Variants in AGPAT4 observed in about 807,000 individuals in gnomAD.
AGPAT4 encodes 1-acyl-sn-glycerol-3-phosphate acyltransferase delta.
Under a neutral mutation model 48.0 loss-of-function variants are expected in AGPAT4, and 15 were observed. That is an observed-to-expected ratio of 0.31 (90% CI 0.21 to 0.48). The LOEUF (loss-of-function observed/expected upper bound fraction) is 0.48. Ranked by LOEUF, AGPAT4 falls within the 20% of genes least tolerant of loss-of-function variation. The probability of loss-of-function intolerance (pLI) is 0.99; values close to 1 mark genes in which losing one functional copy is unlikely to be tolerated. For synonymous variants in AGPAT4, 178 were observed against 198.7 expected, an observed-to-expected ratio of 0.90 and a Z score of 0.88; for missense variants, 314 against 482.5, an observed-to-expected ratio of 0.65 and a Z score of 3.27.
Position 161,153,291 on chromosome 6 carries a change from G to A in AGPAT4, c.664+55C>T, listed in dbSNP as rs897867478. 13 of 1,556,544 alleles carry A rather than the reference G, an allele frequency of 8.4e-6. No individual in the cohort carries two copies. The East Asian group carries it at 2.6e-4, about 31-fold the overall frequency. ...AGCAAGCTCTGCCCATCCGGAGCTG[G>A]GGCTTGTCTTCCTCGCTGCCACGGG... On this transcript the variant is annotated intron_variant, in intron 5 of 8. Transcript: ENST00000320285.
At chr6:161,175,901 A>G (rs1780414918) in intron 2 of AGPAT4, among the ~76,000 whole-genome samples, 2 of 152,192 alleles carry the variant, frequency 1.3e-5, no homozygotes, top group African/African-American at 4.8e-5. Flanking sequence ...TGTACCCAGT[A>G]GTCATTCAGG....
Position 161,245,775 on chromosome 6 carries a change from AAGGCGGG to A in AGPAT4, c.-89-13480_-89-13474del, listed in dbSNP as rs1036453185. On this transcript the variant is annotated intron_variant, in intron 1 of 8. Transcript: ENST00000320285. The surrounding 1 kb of genome is among the most constrained non-coding windows in gnomAD (Gnocchi z 5.2). ...CTAGTTTCTGGTAAGGAGTGCGAGG[AAGGCGGG>A]AGAATCAATATGGCTGGATTTTAAA... Among the ~76,000 whole-genome samples the A allele has an allele frequency of 5.9e-5, 9 of 152,164 alleles. No homozygotes were observed. The highest frequency in any genetic ancestry group is 2.2e-4 in the African/African-American group (9 of 41,422).
Position 161,165,585 on chromosome 6 carries a change from C to T in AGPAT4, c.348+663G>A, listed in dbSNP as rs372359027. On this transcript the variant is annotated intron_variant, in intron 3 of 8. Coordinates refer to ENST00000320285, the MANE Select transcript of AGPAT4 (RefSeq NM_020133.3). This position sits in a 1 kb window ranked among gnomAD's most constrained non-coding sequence, Gnocchi z 5.5. The stretch of plus-strand genomic sequence containing the variant: ...TGATTCCTACGGAATACCTGAGTAC[C>T]GCAGATGACTCTGATTCAGCTATGT... 8.2e-5 allele frequency: 107 copies of T among 1,297,970 alleles called. No individual in the cohort carries two copies. The highest frequency in any genetic ancestry group is 2.4e-4 in the Middle Eastern group (1 of 4,094). 80.4% of individuals were successfully genotyped at this position (1,297,970 alleles called of 1,614,324 possible).
In AGPAT4 at chr6:161,196,143, G is replaced by A. The variant is rs910393363; in HGVS notation, c.179-29726C>T. ...AATGGTGTGGTTCGCCATCTTAAGA[G>A]CACTGTCTTTCTAGGAGAAAAGAAA... On this transcript the variant is annotated intron_variant, in intron 2 of 8. Transcript: ENST00000320285. The surrounding 1 kb of genome is among the most constrained non-coding windows in gnomAD (Gnocchi z 4.3). Among the ~76,000 whole-genome samples the A allele has an allele frequency of 1.3e-5, 2 of 152,192 alleles. No individual in the cohort carries two copies. Among genetic ancestry groups the A allele is most frequent in the Admixed American group, 6.5e-5 (1 of 15,286 alleles).
In AGPAT4 at chr6:161,156,754, T is replaced by C. The variant is rs562843174; in HGVS notation, c.349-2444A>G. ...TGGCCATAACACCCACACTGGAAGG[T>C]TGTGGGTTTACCAGAATGAGGGCAA... On this transcript the variant is annotated intron_variant, in intron 3 of 8. Transcript: ENST00000320285. Among the ~76,000 whole-genome samples, 95 of 152,318 alleles carry C rather than the reference T, an allele frequency of 6.2e-4. No homozygotes were observed. The Middle Eastern group carries it at 0.01, about 16-fold the overall frequency.
rs1778907871 is a variant in AGPAT4 at position 161,131,784 on chromosome 6, T to C, written c.*4756A>G. On this transcript the variant is annotated 3_prime_UTR_variant, in exon 9 of 9. Transcript: ENST00000320285. ...TGAATGCTGTGAATGGTATTGAATG[T>C]CCTGGACCAAGAGGAACAGCAACAT... 6.6e-6 allele frequency: 1 copy of C among 152,260 alleles called. No individual in the cohort carries two copies. The highest frequency in any genetic ancestry group is 6.5e-5 in the Admixed American group (1 of 15,290). 9.4% of individuals were successfully genotyped at this position (152,260 alleles called of 1,614,324 possible). A position where few individuals can be genotyped will look rare whatever the true frequency, so the allele number is the denominator to read the frequency against.
In AGPAT4 at chr6:161,233,619, A is replaced by C. The variant is rs1374647641; in HGVS notation, c.-89-1317T>G. On this transcript the variant is annotated intron_variant, in intron 1 of 8. Transcript: ENST00000320285. The surrounding 1 kb of genome is among the most constrained non-coding windows in gnomAD (Gnocchi z 5.4). Reference sequence around the variant, plus strand: ...TTCACTTTCAGTACAGTATTCAATAAATTACAAGGCCTATTCAGCACTTTG... The same window carrying C: ...TTCACTTTCAGTACAGTATTCAATACATTACAAGGCCTATTCAGCACTTTG... Among the ~76,000 whole-genome samples the C allele has an allele frequency of 6.6e-6, 1 of 152,244 alleles. No homozygotes were observed. Among genetic ancestry groups the C allele is most frequent in the Non-Finnish European group, 1.5e-5 (1 of 68,044 alleles).
intron 1 of AGPAT4, among the ~76,000 whole-genome samples, chr6:161,271,799 C>A (rs781732300): frequency 9.2e-5 from 14 of 152,144 alleles, no homozygotes; most frequent in Non-Finnish European, 1.6e-4. Flanking sequence ...TCTGGAAACT[C>A]AAGAGAACCG....
rs948083749 is a variant in AGPAT4, at chr6:161,255,753, G to A, written c.-90+18185C>T. On this transcript the variant is annotated intron_variant, in intron 1 of 8. Coordinates refer to ENST00000320285, the MANE Select transcript of AGPAT4 (RefSeq NM_020133.3). This position sits in a 1 kb window ranked among gnomAD's most constrained non-coding sequence, Gnocchi z 4.7. ...TGGGGGAGTGACTGCTGATATGTAC[G>A]GTTTCTCTCTGAGGTGCTAAAAATG... Among the ~76,000 whole-genome samples the A allele has an allele frequency of 2.0e-5, 3 of 152,024 alleles. No individual in the cohort carries two copies. Among genetic ancestry groups the A allele is most frequent in the Non-Finnish European group, 4.4e-5 (3 of 68,010 alleles).
In AGPAT4 at chr6:161,197,208, C is replaced by T. The variant is rs934382429; in HGVS notation, c.179-30791G>A. ...CAATGCTTTTCCCTTTGGCCTTCTC[C>T]GAACGTTGAATGTGCTAATGGACAG... On this transcript the variant is annotated intron_variant, in intron 2 of 8. Coordinates refer to ENST00000320285, the MANE Select transcript of AGPAT4 (RefSeq NM_020133.3). This position sits in a 1 kb window ranked among gnomAD's most constrained non-coding sequence, Gnocchi z 5.7. Among the ~76,000 whole-genome samples the T allele has an allele frequency of 2.0e-5, 3 of 152,160 alleles. No individual in the cohort carries two copies. The highest frequency in any genetic ancestry group is 1.3e-4 in the Admixed American group (2 of 15,280).
At chr6:161,182,378 C>T (rs1308059162) in intron 2 of AGPAT4, among the ~76,000 whole-genome samples, 1 of 145,974 alleles carries the variant, frequency 6.9e-6, no homozygotes, top group East Asian at 2.1e-4. Context: ...CAGCCTCTCA[C>T]CCTATGCCCT....
intron 1 of AGPAT4, among the ~76,000 whole-genome samples, chr6:161,239,051 C>T (rs1172878424): frequency 1.3e-5 from 2 of 152,236 alleles, no homozygotes; most frequent in Middle Eastern, 3.4e-3. Flanking sequence ...AAAGTGCAAG[C>T]GAGACAAACG....
chr6:161,221,726 G>C lies in AGPAT4; in HGVS notation c.178+10310C>G, dbSNP rs1781840297. Among the ~76,000 whole-genome samples, 1 of 152,190 alleles carries C rather than the reference G, an allele frequency of 6.6e-6. No homozygotes were observed. Among genetic ancestry groups the C allele is most frequent in the Non-Finnish European group, 1.5e-5 (1 of 68,032 alleles). The stretch of plus-strand genomic sequence containing the variant: ...GGGTTGGTTCCTTCTGAGCATGTGA[G>C]GGAGGATCTGTGTCACAGCTCTCTC... On this transcript the variant is annotated intron_variant, in intron 2 of 8. Coordinates refer to ENST00000320285, the MANE Select transcript of AGPAT4 (RefSeq NM_020133.3). The surrounding 1 kb of genome is among the most constrained non-coding windows in gnomAD (Gnocchi z 4.5).
chr6:161,147,835 T>G lies in AGPAT4; in HGVS notation c.768-1236A>C, dbSNP rs1779476393. ...TTTCAGCAACTTGACATTATCGCCC[T>G]TGATGTTTCAGTGCTTTGTACTGAT... On this transcript the variant is annotated intron_variant, in intron 6 of 8. Transcript: ENST00000320285. The surrounding 1 kb of genome is among the most constrained non-coding windows in gnomAD (Gnocchi z 4.8). 6.6e-6 allele frequency among the ~76,000 whole-genome samples: 1 copy of G among 152,244 alleles called. No homozygotes were observed. Among genetic ancestry groups the G allele is most frequent in the African/African-American group, 2.4e-5 (1 of 41,472 alleles).
chr6:161,158,722 G>A lies in AGPAT4; in HGVS notation c.349-4412C>T, dbSNP rs78931905. Among the ~76,000 whole-genome samples the A allele has an allele frequency of 0.02, 3,082 of 152,270 alleles. 106 individuals carry two copies. Among genetic ancestry groups the A allele is most frequent in the African/African-American group, 0.07 (2,907 of 41,542 alleles). ...CCTTCAGAAGCTCTACAGCCTCTGGGGTGAAAAGGGATCGGAATGAGGCCA... is the reference window on the plus strand; with the variant it reads ...CCTTCAGAAGCTCTACAGCCTCTGGAGTGAAAAGGGATCGGAATGAGGCCA... On this transcript the variant is annotated intron_variant, in intron 3 of 8. Coordinates refer to ENST00000320285, the MANE Select transcript of AGPAT4 (RefSeq NM_020133.3). The surrounding 1 kb of genome is among the most constrained non-coding windows in gnomAD (Gnocchi z 5.3).
chr6:161,231,994 A>ATAATTCTGATAC lies in AGPAT4; in HGVS notation c.178+41_178+42insGTATCAGAATTA. 6.3e-7 allele frequency: 1 copy of ATAATTCTGATAC among 1,589,186 alleles called. No homozygotes were observed. The highest frequency in any genetic ancestry group is 8.6e-7 in the Non-Finnish European group (1 of 1,160,760). On this transcript the variant is annotated intron_variant, in intron 2 of 8. Transcript: ENST00000320285. This position sits in a 1 kb window ranked among gnomAD's most constrained non-coding sequence, Gnocchi z 5.3. ...CAAGAGCCATAATTCTGATACACAC[A>ATAATTCTGATAC]TCCACAATGGAGACGAAAATATAGA...
rs1034164143 is a variant in AGPAT4, at chr6:161,235,640, G to A, written c.-89-3338C>T. 2.6e-5 allele frequency among the ~76,000 whole-genome samples: 4 copies of A among 152,188 alleles called. No homozygotes were observed. The highest frequency in any genetic ancestry group is 5.9e-5 in the Non-Finnish European group (4 of 68,028). ...AGAAAGCACAGTGGCTTCTGATTCTGGGGAGGCCTCAGGAAGCTTTTACTC... is the reference window on the plus strand; with the variant it reads ...AGAAAGCACAGTGGCTTCTGATTCTAGGGAGGCCTCAGGAAGCTTTTACTC... On this transcript the variant is annotated intron_variant, in intron 1 of 8. Coordinates refer to ENST00000320285, the MANE Select transcript of AGPAT4 (RefSeq NM_020133.3). This position sits in a 1 kb window ranked among gnomAD's most constrained non-coding sequence, Gnocchi z 6.2.
At chr6:161,172,262 C>T (rs925229607) in intron 2 of AGPAT4, among the ~76,000 whole-genome samples, 2 of 152,164 alleles carry the variant, frequency 1.3e-5, no homozygotes, top group East Asian at 1.9e-4. Context: ...ACATGGTCAG[C>T]GGAGATCCCA....
intron 2 of AGPAT4, among the ~76,000 whole-genome samples, chr6:161,213,555 C>A (rs902459228): frequency 6.6e-6 from 1 of 152,136 alleles, no homozygotes; most frequent in Non-Finnish European, 1.5e-5. Context: ...TTTGGAGTCA[C>A]TGAAAACTAA....
Sources: allele counts gnomAD v4.1 joint callset (sites outside exome capture counted in the v4.1 genomes callset), GRCh38; gene constraint gnomAD v4.1.1; non-coding constraint Gnocchi (gnomAD v3.1); transcripts MANE v1.5; gene names NCBI Gene and HGNC (gene_info 2026-07-23, HGNC 2026-07-21).